Variants in ERBB4 observed in about 807,000 individuals in gnomAD.
ERBB4 encodes erb-b2 receptor tyrosine kinase 4, also known as receptor tyrosine-protein kinase erbB-4.
ERBB4 carries 42 observed loss-of-function variants against 158.0 expected under a neutral mutation model. The ratio of observed to expected loss-of-function variants is 0.27; its 90% confidence interval spans 0.21 to 0.34. ERBB4 has a LOEUF of 0.34. ERBB4 is among the 10% of genes least tolerant of loss of function. ERBB4 has a pLI of 1.00. For missense variants in ERBB4, 1,333 were observed against 1,624.1 expected (o/e 0.82, Z 3.08); for synonymous variants, 583 against 558.7 (o/e 1.04, Z -0.61).
chr2:212,191,324 C>A (rs1053164668), intron 1 of ERBB4, among the ~76,000 whole-genome samples: 1 of 151,928 alleles, frequency 6.6e-6, no homozygotes, highest in Non-Finnish European at 1.5e-5. Context: ...ACCGATTTAA[C>A]GAATCATCCA....
intron 2 of ERBB4, among the ~76,000 whole-genome samples, chr2:212,121,021 T>C (rs1292871733): frequency 6.6e-6 from 1 of 152,198 alleles, no homozygotes; most frequent in African/African-American, 2.4e-5. Context: ...AATGTGGTTT[T>C]AGGAAGGAAT....
At chr2:211,446,537 C>T (rs554225997) in intron 20 of ERBB4, among the ~76,000 whole-genome samples, 2 of 152,236 alleles carry the variant, frequency 1.3e-5, no homozygotes, top group Admixed American at 6.5e-5. Flanking sequence ...TGGATTTGGA[C>T]ATTAGTATGA....
chr2:211,392,647 C>T (rs1316505017), intron 25 of ERBB4, among the ~76,000 whole-genome samples: 2 of 151,226 alleles, frequency 1.3e-5, no homozygotes, highest in Non-Finnish European at 3.0e-5. Flanking sequence ...TTGACTTGGG[C>T]TCTTATTCTT....
chr2:211,416,779 A>G (rs1325659571), intron 25 of ERBB4, among the ~76,000 whole-genome samples: 2 of 151,614 alleles, frequency 1.3e-5, no homozygotes, highest in African/African-American at 2.4e-5. Context: ...CCCCAGGCCA[A>G]CAGTCTCTAA....
chr2:211,726,628 C>T (rs2074278211), intron 5 of ERBB4, among the ~76,000 whole-genome samples: 1 of 152,100 alleles, frequency 6.6e-6, no homozygotes, highest in South Asian at 2.1e-4. Context: ...TCAGTACTTT[C>T]CCTCCTCTCT....
chr2:212,153,297 G>T (rs2080928847), intron 1 of ERBB4, among the ~76,000 whole-genome samples: 1 of 152,094 alleles, frequency 6.6e-6, no homozygotes, highest in African/African-American at 2.4e-5. Flanking sequence ...AAGTCCTTCT[G>T]CCCAAAGGTA....
intron 1 of ERBB4, among the ~76,000 whole-genome samples, chr2:212,302,492 C>T (rs1028194888): frequency 1.3e-4 from 20 of 151,322 alleles, no homozygotes; most frequent in African/African-American, 4.1e-4. Flanking sequence ...AATTTACAAG[C>T]CATCAAAATA....
At chr2:212,489,634 G>A (rs896017503) in intron 1 of ERBB4, among the ~76,000 whole-genome samples, 1 of 151,680 alleles carries the variant, frequency 6.6e-6, no homozygotes, top group African/African-American at 2.4e-5. Context: ...CTAACGTATG[G>A]TATATTTAAA....
intron 4 of ERBB4, among the ~76,000 whole-genome samples, chr2:211,754,645 G>A (rs935379857): frequency 6.6e-6 from 1 of 151,258 alleles, no homozygotes; most frequent in East Asian, 1.9e-4. Flanking sequence ...CCGACCTCAT[G>A]ATCCACCCAT....
At chr2:211,421,563 A>C (rs1217189737) in intron 24 of ERBB4, among the ~76,000 whole-genome samples, 1 of 151,888 alleles carries the variant, frequency 6.6e-6, no homozygotes, top group Non-Finnish European at 1.5e-5. Flanking sequence ...AACAAAACAT[A>C]TTTTAAAATA....
chr2:212,345,763 C>T (rs1284441124), intron 1 of ERBB4, among the ~76,000 whole-genome samples: 1 of 152,020 alleles, frequency 6.6e-6, no homozygotes, highest in East Asian at 1.9e-4. Context: ...TAATTTAAAT[C>T]ATTATATGTA....
intron 1 of ERBB4, among the ~76,000 whole-genome samples, chr2:212,490,555 A>G (rs376389194): frequency 5.3e-5 from 8 of 151,934 alleles, no homozygotes; most frequent in African/African-American, 1.9e-4. Context: ...ACAGTTTGAG[A>G]AAGTGTTTTG....
At chr2:211,571,129 G>A (rs912175053) in intron 19 of ERBB4, among the ~76,000 whole-genome samples, 1 of 132,060 alleles carries the variant, frequency 7.6e-6, no homozygotes, top group African/African-American at 2.8e-5. Flanking sequence ...TGCAACCTCC[G>A]CCTCCCGTGT....
intron 12 of ERBB4, among the ~76,000 whole-genome samples, chr2:211,679,784 A>C (rs2072259540): frequency 6.6e-6 from 1 of 152,130 alleles, no homozygotes; most frequent in South Asian, 2.1e-4. Flanking sequence ...GGTTTAAGCA[A>C]TTCTCCTGCC....
intron 25 of ERBB4, among the ~76,000 whole-genome samples, chr2:211,409,972 G>A (rs958443402): frequency 2.0e-5 from 3 of 152,152 alleles, no homozygotes; most frequent in Non-Finnish European, 4.4e-5. Flanking sequence ...GCATCTCAGT[G>A]AAGCAAGTCA....
intron 1 of ERBB4, among the ~76,000 whole-genome samples, chr2:212,205,444 T>C (rs770501488): frequency 1.3e-5 from 2 of 152,232 alleles, no homozygotes; most frequent in African/African-American, 4.8e-5. Flanking sequence ...CTAGGTATTA[T>C]AAATTTCTAC....
In ERBB4 at chr2:211,789,204, G is replaced by A. The variant is rs972966610; in HGVS notation, c.422-1045C>T. On this transcript the variant is annotated intron_variant, in intron 3 of 27. Coordinates refer to ENST00000342788, the MANE Select transcript of ERBB4 (RefSeq NM_005235.3). ...CCTGTTCAATACAAAAGCAATTTAA[G>A]AGAAATCATGCATCAGTCCATAAAG... Among the ~76,000 whole-genome samples, 8 of 152,172 alleles carry A rather than the reference G, an allele frequency of 5.3e-5. No homozygotes were observed. In the South Asian group the frequency reaches 1.7e-3, roughly 32 times the overall value.
At chr2:212,281,149 A>C (rs1264265043) in intron 1 of ERBB4, among the ~76,000 whole-genome samples, 6 of 151,756 alleles carry the variant, frequency 4.0e-5, no homozygotes, top group African/African-American at 1.4e-4. Flanking sequence ...ATCTTCTGAA[A>C]CCGTCACAGA....
At position 212,205,681 on chromosome 2, in the gene ERBB4, T is replaced by C. The variant is rs570599553; in HGVS notation, c.83-80778A>G. On this transcript the variant is annotated intron_variant, in intron 1 of 27. Transcript: ENST00000342788. Reference sequence around the variant, plus strand: ...TATTTGTCATAAGCATTGTTACATATCAACAATAACAAATACACCATCTTT... The same window carrying C: ...TATTTGTCATAAGCATTGTTACATACCAACAATAACAAATACACCATCTTT... 2.0e-5 allele frequency among the ~76,000 whole-genome samples: 3 copies of C among 152,274 alleles called. No individual in the cohort carries two copies. In the Middle Eastern group the frequency reaches 0.01, roughly 521 times the overall value.
Sources: gnomAD v4.1 joint callset for allele counts (sites outside exome capture counted in the v4.1 genomes callset) on GRCh38, gnomAD v4.1.1 for gene constraint, MANE v1.5 for transcripts, NCBI Gene and HGNC (gene_info 2026-07-23, HGNC 2026-07-21) for gene names.